The following GRID2 variants were observed in gnomAD, a reference collection of about 807,000 sequenced individuals.
GRID2 encodes the protein glutamate receptor ionotropic, delta-2.
GRID2 carries 33 observed loss-of-function variants against 114.8 expected under a neutral mutation model. The observed-to-expected ratio is 0.29, with a 90% CI of 0.22 to 0.38. The LOEUF (loss-of-function observed/expected upper bound fraction) is 0.38. Ranked by LOEUF, GRID2 falls within the 10% of genes least tolerant of loss-of-function variation. GRID2 has a pLI of 1.00. For missense variants in GRID2, 1,184 were observed against 1,257.7 expected, an observed-to-expected ratio of 0.94 and a Z score of 0.89; for synonymous variants, 505 against 449.9, an observed-to-expected ratio of 1.12 and a Z score of -1.55.
intron 2 of GRID2, among the ~76,000 whole-genome samples, chr4:92,656,748 A>T (rs1732259133): frequency 6.6e-6 from 1 of 151,742 alleles, no homozygotes; most frequent in African/African-American, 2.4e-5. Flanking sequence ...TCCCTGAGAA[A>T]TGTGCTGCTT....
intron 14 of GRID2, among the ~76,000 whole-genome samples, chr4:93,652,970 C>T (rs1280734869): frequency 1.3e-5 from 2 of 152,012 alleles, no homozygotes; most frequent in Non-Finnish European, 2.9e-5. Context: ...AGTTCAGACT[C>T]AATCCTGAGC....
chr4:92,342,675 T>C (rs1727558811), intron 1 of GRID2, among the ~76,000 whole-genome samples: 1 of 152,176 alleles, frequency 6.6e-6, no homozygotes, highest in East Asian at 1.9e-4. Context: ...GCCTAAACAA[T>C]TTTGGTGGAG....
In GRID2 at chr4:93,128,027, C is replaced by CAAAAAAAAAAAAAAAAAAAA. The variant is rs1008311457; in HGVS notation, c.735+17087_735+17106dup. Among the ~76,000 whole-genome samples the CAAAAAAAAAAAAAAAAAAAA allele has an allele frequency of 8.8e-4, 18 of 20,342 alleles. 3 individuals are homozygous for CAAAAAAAAAAAAAAAAAAAA. Among genetic ancestry groups the CAAAAAAAAAAAAAAAAAAAA allele is most frequent in the African/African-American group, 3.0e-3 (18 of 5,954 alleles). 13.3% of individuals were successfully genotyped at this position (20,342 alleles called of 152,430 possible). ...CAGAGTAAGACCTTGTCCCCCGCAACAAAAAAAAAAAAAAAAAAAAAAAAA... is the reference window on the plus strand; with the variant it reads ...CAGAGTAAGACCTTGTCCCCCGCAACAAAAAAAAAAAAAAAAAAAAAAAAAAAAAAAAAAAAAAAAAAAAA... On this transcript the variant is annotated intron_variant, in intron 4 of 15. Transcript: ENST00000282020.
At chr4:93,131,595 TTAAAAA>T (rs1330454875) in intron 4 of GRID2, among the ~76,000 whole-genome samples, 42 of 102,300 alleles carry the variant, frequency 4.1e-4, no homozygotes, top group African/African-American at 1.7e-3. Flanking sequence ...AAATTAAAAA[TTAAAAA>T]TTTTATTTAA....
chr4:92,961,205 T>C (rs1344195337), intron 2 of GRID2, among the ~76,000 whole-genome samples: 1 of 151,936 alleles, frequency 6.6e-6, no homozygotes, highest in Non-Finnish European at 1.5e-5. Context: ...GAACAAATTA[T>C]TGTCCATTTG....
intron 1 of GRID2, among the ~76,000 whole-genome samples, chr4:92,535,388 C>A (rs1324392417): frequency 1.3e-5 from 2 of 152,088 alleles, no homozygotes; most frequent in Non-Finnish European, 2.9e-5. Context: ...TTAATGCAAT[C>A]CTTAAAAACA....
Position 93,055,740 on chromosome 4 carries a change from A to C in GRID2, c.245-29255A>C, listed in dbSNP as rs1371170146. Among the ~76,000 whole-genome samples the C allele has an allele frequency of 5.3e-5, 8 of 152,056 alleles. No homozygotes were observed. In the East Asian group the frequency reaches 1.4e-3, roughly 26 times the overall value. ...CTGTTATATTTGTCTCTGGAAGTAAAAAAACAAAAAGCATAAAGTGTGTTC... is the reference window on the plus strand; with the variant it reads ...CTGTTATATTTGTCTCTGGAAGTAACAAAACAAAAAGCATAAAGTGTGTTC... On this transcript the variant is annotated intron_variant, in intron 2 of 15. Coordinates refer to ENST00000282020, the MANE Select transcript of GRID2 (RefSeq NM_001510.4).
intron 13 of GRID2, among the ~76,000 whole-genome samples, chr4:93,588,720 C>T (rs1737801114): frequency 6.6e-6 from 1 of 152,326 alleles, no homozygotes; most frequent in South Asian, 2.1e-4. Context: ...AGCCCTGCCC[C>T]TTCTCCCAGT....
Position 93,379,134 on chromosome 4 carries a change from G to A in GRID2, c.1246-16473G>A, listed in dbSNP as rs112638934. On this transcript the variant is annotated intron_variant, in intron 8 of 15. Coordinates refer to ENST00000282020, the MANE Select transcript of GRID2 (RefSeq NM_001510.4). The stretch of plus-strand genomic sequence containing the variant: ...TAAGCAAACTCTATGAAAAAGAATT[G>A]TGTTTTCATAGTAAGGCTTTATTAT... 1.4e-3 allele frequency among the ~76,000 whole-genome samples: 219 copies of A among 152,004 alleles called. 1 individual carries two copies. The highest frequency in any genetic ancestry group is 5.2e-3 in the African/African-American group (214 of 41,500).
chr4:92,661,291 A>G (rs1732502335), intron 2 of GRID2, among the ~76,000 whole-genome samples: 1 of 151,044 alleles, frequency 6.6e-6, no homozygotes, highest in Admixed American at 6.6e-5. Flanking sequence ...TAACATTAAA[A>G]AGTCACCCTG....
chr4:93,147,552 A>G (rs1736379326), intron 4 of GRID2, among the ~76,000 whole-genome samples: 1 of 152,216 alleles, frequency 6.6e-6, no homozygotes, highest in Non-Finnish European at 1.5e-5. Context: ...TTCTTGAAGT[A>G]CTGCTTCTAG....
intron 2 of GRID2, among the ~76,000 whole-genome samples, chr4:92,881,592 G>C (rs540032866): frequency 6.6e-6 from 1 of 152,142 alleles, no homozygotes; most frequent in Non-Finnish European, 1.5e-5. Flanking sequence ...GTTGTCAATA[G>C]ATCATATGAC....
intron 2 of GRID2, among the ~76,000 whole-genome samples, chr4:92,938,346 C>G (rs1195324574): frequency 1.4e-5 from 2 of 146,370 alleles, no homozygotes; most frequent in African/African-American, 4.9e-5. Context: ...GGTTTTGTTT[C>G]ACAAGAATTT....
chr4:93,648,594 T>C (rs1044080174), intron 14 of GRID2, among the ~76,000 whole-genome samples: 1 of 152,188 alleles, frequency 6.6e-6, no homozygotes, highest in Non-Finnish European at 1.5e-5. Flanking sequence ...TCTAACACAA[T>C]GGTTCTCCAT....
intron 11 of GRID2, among the ~76,000 whole-genome samples, chr4:93,483,392 AT>A (rs1726064330): frequency 1.3e-5 from 2 of 152,022 alleles, no homozygotes; most frequent in African/African-American, 4.8e-5. Flanking sequence ...TTTTTTTCTA[AT>A]TATAATTTAT....
intron 1 of GRID2, among the ~76,000 whole-genome samples, chr4:92,582,394 T>G (rs1442928990): frequency 6.6e-6 from 1 of 151,826 alleles, no homozygotes; most frequent in Non-Finnish European, 1.5e-5. Flanking sequence ...GCAAAGATTG[T>G]TATTTAAACT....
intron 14 of GRID2, among the ~76,000 whole-genome samples, chr4:93,766,076 G>A (rs1468963642): frequency 6.6e-6 from 1 of 152,114 alleles, no homozygotes; most frequent in Admixed American, 6.5e-5. Flanking sequence ...CAATAAATAT[G>A]CACCTGCTCT....
rs150535526 is a variant in GRID2, at chr4:92,966,671, G to A, written c.245-118324G>A. ...TGCACAAACTCTCTTGCCTGCCACTGTGTAAGACATGTCTTTTTCTTTCTT... is the reference window on the plus strand; with the variant it reads ...TGCACAAACTCTCTTGCCTGCCACTATGTAAGACATGTCTTTTTCTTTCTT... On this transcript the variant is annotated intron_variant, in intron 2 of 15. Coordinates refer to ENST00000282020, the MANE Select transcript of GRID2 (RefSeq NM_001510.4). Among the ~76,000 whole-genome samples the A allele has an allele frequency of 2.1e-3, 316 of 151,994 alleles. 2 individuals are homozygous for A. The highest frequency in any genetic ancestry group is 0.01 in the Middle Eastern group (3 of 294).
chr4:93,111,021 G>A, intron 4 of GRID2, 68 bp downstream of exon 4: 1 of 972,888 alleles, frequency 1.0e-6, no homozygotes, highest in South Asian at 1.4e-5. Context: ...AGACCCTACA[G>A]AGGAGATGAA....
Sources: gnomAD v4.1 joint callset for allele counts (sites outside exome capture counted in the v4.1 genomes callset) on GRCh38, gnomAD v4.1.1 for gene constraint, MANE v1.5 for transcripts, NCBI Gene and HGNC (gene_info 2026-07-23, HGNC 2026-07-21) for gene names.